Variants in PRKCB observed in about 807,000 individuals in gnomAD.
PRKCB encodes the protein protein kinase C beta type.
A neutral mutation model predicts 81.5 loss-of-function variants in PRKCB; 13 were observed. The observed-to-expected ratio is 0.16, with a 90% CI of 0.10 to 0.25. The LOEUF (loss-of-function observed/expected upper bound fraction) is 0.25. Among genes scored for constraint, PRKCB ranks in the 10% least tolerant of loss-of-function variants. The pLI is 1.00. For missense variants in PRKCB, 509 were observed against 875.7 expected, an observed-to-expected ratio of 0.58 and a Z score of 5.29; for synonymous variants, 335 against 321.4, an observed-to-expected ratio of 1.04 and a Z score of -0.45.
chr16:24,200,565 A>C (rs1285424850), intron 16 of PRKCB, among the ~76,000 whole-genome samples: 4 of 152,216 alleles, frequency 2.6e-5, no homozygotes, highest in African/African-American at 9.6e-5. Flanking sequence ...TATTTCTTAC[A>C]GTTCTGGAGG....
chr16:23,922,082 T>C (rs887171667), intron 2 of PRKCB, among the ~76,000 whole-genome samples: 1 of 152,230 alleles, frequency 6.6e-6, no homozygotes, highest in African/African-American at 2.4e-5. Flanking sequence ...TATCGGATGA[T>C]AATGAAAACA....
chr16:24,066,257 T>G (rs1230570110), intron 5 of PRKCB, among the ~76,000 whole-genome samples: 2 of 152,208 alleles, frequency 1.3e-5, no homozygotes, highest in Non-Finnish European at 2.9e-5. Flanking sequence ...TGTTAGACCT[T>G]GGTACTGTGT....
rs3729896 is a variant in PRKCB at position 24,092,867 on chromosome 16, C to T, written c.606C>T (p.Pro202=). 64,717 of 1,614,006 alleles carry T rather than the reference C, an allele frequency of 0.04. 1,490 individuals are homozygous for T. The highest frequency in any genetic ancestry group is 0.09 in the East Asian group (4,056 of 44,860). Residue 202 remains proline, a synonymous_variant, in exon 6 of 17, where the codon CCC becomes CCT. Coordinates refer to ENST00000643927, the MANE Select transcript of PRKCB (RefSeq NM_002738.7). ...SDPYVKLKLI[P]DPKSESKQKT... Reference sequence around the variant, plus strand: ...CCTACGTAAAACTGAAACTGATTCCCGATCCCAAAAGTGAGAGCAAACAGA... The same window carrying T: ...CCTACGTAAAACTGAAACTGATTCCTGATCCCAAAAGTGAGAGCAAACAGA...
rs1489112739 is a variant in PRKCB, at chr16:24,217,458, G to T, written c.*2642G>T. 2 of 985,252 alleles carry T rather than the reference G, an allele frequency of 2.0e-6. No homozygotes were observed. Among genetic ancestry groups the T allele is most frequent in the African/African-American group, 3.5e-5 (2 of 57,202 alleles). The allele number at this position is 985,252 out of a possible 1,614,324, so 61.0% of individuals were successfully genotyped here. ...GTCAGTAGAATTAATAACCCTCCTT[G>T]GATGAGTGCTACTGTTTTCACATGG... On this transcript the variant is annotated 3_prime_UTR_variant, in exon 17 of 17. Coordinates refer to ENST00000643927, the MANE Select transcript of PRKCB (RefSeq NM_002738.7).
intron 5 of PRKCB, among the ~76,000 whole-genome samples, chr16:24,048,289 A>G (rs1054159346): frequency 6.6e-6 from 1 of 152,198 alleles, no homozygotes; most frequent in African/African-American, 2.4e-5. Flanking sequence ...AGATGGGGAA[A>G]CTGAGACACA....
intron 2 of PRKCB, among the ~76,000 whole-genome samples, chr16:23,900,307 A>G (rs1567306981): frequency 1.3e-5 from 2 of 152,214 alleles, no homozygotes; most frequent in Non-Finnish European, 2.9e-5. Flanking sequence ...TGTACAGGAA[A>G]TTGTGTGTTT....
intron 2 of PRKCB, among the ~76,000 whole-genome samples, chr16:23,914,908 GT>G (rs1476992941): frequency 6.6e-6 from 1 of 152,292 alleles, no homozygotes; most frequent in Non-Finnish European, 1.5e-5. Flanking sequence ...ACACACTGGG[GT>G]CAAGCCAGTC....
At chr16:23,921,249 T>G (rs1276067238) in intron 2 of PRKCB, among the ~76,000 whole-genome samples, 1 of 152,170 alleles carries the variant, frequency 6.6e-6, no homozygotes, top group Non-Finnish European at 1.5e-5. Flanking sequence ...AAAACCACTC[T>G]TGGGCTCTGA....
intron 2 of PRKCB, 54 bp from the exon 3 acceptor site, chr16:23,988,454 C>T: frequency 6.9e-7 from 1 of 1,440,676 alleles, no homozygotes; most frequent in Non-Finnish European, 9.8e-7. Flanking sequence ...CTCTCTCTTC[C>T]TCCTCTCCGC....
At chr16:23,907,170 T>A (rs1963572864) in intron 2 of PRKCB, among the ~76,000 whole-genome samples, 1 of 152,218 alleles carries the variant, frequency 6.6e-6, no homozygotes, top group Non-Finnish European at 1.5e-5. Context: ...CAGTATTAAC[T>A]TCACCCTGAT....
chr16:24,171,762 C>T (rs1967444147), intron 10 of PRKCB, among the ~76,000 whole-genome samples: 1 of 152,070 alleles, frequency 6.6e-6, no homozygotes, highest in South Asian at 2.1e-4. Flanking sequence ...GAAATGGAGT[C>T]TCACTCTGTC....
chr16:24,094,860 GA>G (rs1966421019), intron 7 of PRKCB, among the ~76,000 whole-genome samples: 1 of 138,056 alleles, frequency 7.2e-6, no homozygotes, highest in Admixed American at 7.4e-5. Context: ...AGGAAAGGAA[GA>G]AAAAGGGAAA....
At chr16:23,946,821 A>G (rs1446565853) in intron 2 of PRKCB, among the ~76,000 whole-genome samples, 4 of 151,222 alleles carry the variant, frequency 2.6e-5, no homozygotes, top group Admixed American at 6.6e-5. Context: ...CTGCTAGTCC[A>G]TAGATCACAC....
chr16:23,860,501 T>A (rs1224935044), intron 2 of PRKCB, among the ~76,000 whole-genome samples: 1 of 152,194 alleles, frequency 6.6e-6, no homozygotes, highest in African/African-American at 2.4e-5. Flanking sequence ...GGGTGCATTT[T>A]TAAAATATCT....
chr16:24,219,093 C>T lies in PRKCB; in HGVS notation c.*4277C>T, dbSNP rs113354788. On this transcript the variant is annotated 3_prime_UTR_variant, in exon 17 of 17. Coordinates refer to ENST00000643927, the MANE Select transcript of PRKCB (RefSeq NM_002738.7). ...ACCCTGAAGAGGTCGGAGCATCATA[C>T]AGATTCCTTTATTAGCCCACATTCT... 1 of 985,456 alleles carries T rather than the reference C, an allele frequency of 1.0e-6. No homozygotes were observed. The highest frequency in any genetic ancestry group is 6.1e-5 in the Admixed American group (1 of 16,288). The allele number at this position is 985,456 out of a possible 1,614,324, so 61.0% of individuals were successfully genotyped here. A position where few individuals can be genotyped will look rare whatever the true frequency, so the allele number is the denominator to read the frequency against.
intron 12 of PRKCB, among the ~76,000 whole-genome samples, chr16:24,178,942 G>A (rs1967576963): frequency 6.6e-6 from 1 of 152,136 alleles, no homozygotes; most frequent in South Asian, 2.1e-4. Flanking sequence ...CTTTAGGCCT[G>A]GATAAATGCA....
intron 2 of PRKCB, among the ~76,000 whole-genome samples, chr16:23,946,291 G>A (rs2141773106): frequency 6.6e-6 from 1 of 152,278 alleles, no homozygotes; most frequent in South Asian, 2.1e-4. Context: ...TCATTCAGGG[G>A]CACCGCTTTG....
chr16:24,054,348 T>C lies in PRKCB; in HGVS notation c.529+18801T>C, dbSNP rs115871829. Among the ~76,000 whole-genome samples, 1,234 of 152,330 alleles carry C rather than the reference T, an allele frequency of 8.1e-3. 20 individuals are homozygous for C. Among genetic ancestry groups the C allele is most frequent in the African/African-American group, 0.028 (1,153 of 41,576 alleles). On this transcript the variant is annotated intron_variant, in intron 5 of 16. Transcript: ENST00000643927. ...AGGCAATATCTCTTAACTTTGTCTT[T>C]TGTAGAGCATTTTTATATGCATGAT...
chr16:24,154,574 A>T, intron 9 of PRKCB, 110 bp from the exon 10 acceptor site: 1 of 1,014,174 alleles, frequency 9.9e-7, no homozygotes, highest in Non-Finnish European at 1.5e-6. Flanking sequence ...TTCAGAGTCA[A>T]CAGAAGGCAC....
Sources: allele counts gnomAD v4.1 joint callset (sites outside exome capture counted in the v4.1 genomes callset), GRCh38; gene constraint gnomAD v4.1.1; transcripts MANE v1.5; gene names NCBI Gene and HGNC (gene_info 2026-07-23, HGNC 2026-07-21).